Variants in PARD3 observed in about 807,000 individuals in gnomAD.
PARD3 encodes the protein partitioning defective 3 homolog.
A neutral mutation model predicts 155.4 loss-of-function variants in PARD3; 75 were observed. The observed-to-expected ratio is 0.48, with a 90% CI of 0.40 to 0.58. The LOEUF is 0.58. PARD3 is among the 20% of genes least tolerant of loss of function. PARD3 has a pLI of 0.00. For missense variants in PARD3, 1,642 were observed against 1,721.7 expected (o/e 0.95, Z 0.82); for synonymous variants, 576 against 610.5 (o/e 0.94, Z 0.83).
intron 5 of PARD3, among the ~76,000 whole-genome samples, chr10:34,443,624 C>G (rs2076585294): frequency 6.6e-6 from 1 of 152,056 alleles, no homozygotes; most frequent in Non-Finnish European, 1.5e-5. Flanking sequence ...ATCATGAGAA[C>G]AGCATGGGAA....
intron 5 of PARD3, among the ~76,000 whole-genome samples, chr10:34,408,326 A>T (rs184876098): frequency 6.6e-6 from 1 of 152,294 alleles, no homozygotes; most frequent in African/African-American, 2.4e-5. Context: ...GTTCAAATAT[A>T]TTGCTAAAAA....
At position 34,517,033 on chromosome 10, in the gene PARD3, G is replaced by T; in HGVS notation, c.349C>A (p.Gln117Lys). ...ATTTCACTTGTTGCTTGGTAAGGCTGAAAGGCTGAGACATTGTTGGTGCCA... is the reference window on the plus strand; with the variant it reads ...ATTTCACTTGTTGCTTGGTAAGGCTTAAAGGCTGAGACATTGTTGGTGCCA... ...ELGTNNVSAF[Q>K]PYQATSEIEV... The change falls in exon 3 of 25, where the codon CAG (glutamine) becomes AAG (lysine). Residue 117 changes from glutamine to lysine, a missense_variant. Around this residue, in one of 3 missense-constraint regions of PARD3, gnomAD observed 1,529 missense variants for 1,587.3 expected, o/e 0.96. Transcript: ENST00000374788. 1 of 1,614,192 alleles carries T rather than the reference G, an allele frequency of 6.2e-7. No individual in the cohort carries two copies. The highest frequency in any genetic ancestry group is 8.5e-7 in the Non-Finnish European group (1 of 1,180,022).
intron 1 of PARD3, among the ~76,000 whole-genome samples, chr10:34,721,548 C>T (rs1590813775): frequency 2.0e-5 from 3 of 152,300 alleles, no homozygotes; most frequent in East Asian, 3.9e-4. Flanking sequence ...CAGGAGTGCC[C>T]AGCATCCACA....
chr10:34,287,085 T>A (rs1043168137), intron 20 of PARD3, among the ~76,000 whole-genome samples: 4 of 151,902 alleles, frequency 2.6e-5, no homozygotes, highest in African/African-American at 9.7e-5. Flanking sequence ...ACGGCAAAAA[T>A]TCAAGGGACA....
intron 1 of PARD3, among the ~76,000 whole-genome samples, chr10:34,808,402 G>A (rs748262456): frequency 2.6e-5 from 4 of 152,018 alleles, no homozygotes; most frequent in Non-Finnish European, 5.9e-5. Context: ...CACTGAACTC[G>A]GCATTTATTT....
intron 2 of PARD3, among the ~76,000 whole-genome samples, chr10:34,628,016 T>C (rs191464639): frequency 1.6e-4 from 24 of 152,206 alleles, no homozygotes; most frequent in Admixed American, 1.4e-3. Flanking sequence ...GTGCTGAGTT[T>C]ACACGTTGTG....
At chr10:34,482,827 G>C (rs1242717194) in intron 3 of PARD3, among the ~76,000 whole-genome samples, 3 of 151,932 alleles carry the variant, frequency 2.0e-5, no homozygotes, top group Non-Finnish European at 4.4e-5. Context: ...ATGTGAACAG[G>C]TAAGAGTGAG....
chr10:34,227,360 G>A (rs1392526008), intron 22 of PARD3, among the ~76,000 whole-genome samples: 1 of 152,220 alleles, frequency 6.6e-6, no homozygotes, highest in African/African-American at 2.4e-5. Flanking sequence ...TCAAGGCTGG[G>A]CGCTGTGGCT....
intron 2 of PARD3, among the ~76,000 whole-genome samples, chr10:34,665,855 C>CGGG (rs1564479657): frequency 7.5e-6 from 1 of 132,984 alleles, no homozygotes; most frequent in Admixed American, 7.3e-5. Flanking sequence ...CAGAACAGAA[C>CGGG]AGAACAGAAC....
At chr10:34,499,969 T>C (rs757037061) in intron 3 of PARD3, among the ~76,000 whole-genome samples, 1 of 152,250 alleles carries the variant, frequency 6.6e-6, no homozygotes, top group Non-Finnish European at 1.5e-5. Flanking sequence ...GTTGTTATAC[T>C]GTATCATTTA....
At chr10:34,307,301 G>A (rs919042863) in intron 20 of PARD3, among the ~76,000 whole-genome samples, 1 of 152,174 alleles carries the variant, frequency 6.6e-6, no homozygotes, top group Non-Finnish European at 1.5e-5. Flanking sequence ...ACACTTGGGA[G>A]AGAAGTGGAG....
intron 5 of PARD3, among the ~76,000 whole-genome samples, chr10:34,443,132 G>A (rs187387651): frequency 3.4e-4 from 52 of 152,166 alleles, no homozygotes; most frequent in South Asian, 1.9e-3. Flanking sequence ...CATTTTATAA[G>A]AACAAGCTAA....
At chr10:34,492,316 T>C (rs1478384846) in intron 3 of PARD3, among the ~76,000 whole-genome samples, 2 of 152,122 alleles carry the variant, frequency 1.3e-5, no homozygotes, top group African/African-American at 4.8e-5. Context: ...CCTGCTCAGG[T>C]CTTAATTCAC....
In PARD3 at chr10:34,110,953, C is replaced by A. The variant is rs1163647818; in HGVS notation, c.*216G>T. ...GAACACCTCAAACAGATGATTGTCA[C>A]AGGGTGGGAAATCCTTCCATGAAAC... On this transcript the variant is annotated 3_prime_UTR_variant, in exon 25 of 25. Coordinates refer to ENST00000374788, the MANE Select transcript of PARD3 (RefSeq NM_001184785.2). 2 of 473,440 alleles carry A rather than the reference C, an allele frequency of 4.2e-6. No individual in the cohort carries two copies. Among genetic ancestry groups the A allele is most frequent in the Non-Finnish European group, 7.4e-6 (2 of 272,048 alleles). 29.3% of individuals were successfully genotyped at this position (473,440 alleles called of 1,614,324 possible).
intron 24 of PARD3, among the ~76,000 whole-genome samples, chr10:34,115,770 T>C (rs1337555683): frequency 6.6e-6 from 1 of 151,564 alleles, no homozygotes. Flanking sequence ...TGGAGTGCAG[T>C]GGCGCGATCT....
At chr10:34,289,988 C>G (rs1182187154) in intron 20 of PARD3, among the ~76,000 whole-genome samples, 1 of 149,386 alleles carries the variant, frequency 6.7e-6, no homozygotes, top group Admixed American at 6.6e-5. Context: ...TGAAAAGTAA[C>G]TACTGGCAAG....
At chr10:34,590,104 A>G (rs1361943496) in intron 2 of PARD3, among the ~76,000 whole-genome samples, 1 of 152,146 alleles carries the variant, frequency 6.6e-6, no homozygotes, top group East Asian at 1.9e-4. Flanking sequence ...GACACCTTCT[A>G]TGAAAAACCA....
chr10:34,110,135 G>A lies in PARD3; in HGVS notation c.*1034C>T, dbSNP rs995741829. 13 of 152,166 alleles carry A rather than the reference G, an allele frequency of 8.5e-5. No homozygotes were observed. The highest frequency in any genetic ancestry group is 3.1e-4 in the African/African-American group (13 of 41,442). 9.4% of individuals were successfully genotyped at this position (152,166 alleles called of 1,614,324 possible). A position where few individuals can be genotyped will look rare whatever the true frequency, so the allele number is the denominator to read the frequency against. On this transcript the variant is annotated 3_prime_UTR_variant, in exon 25 of 25. Coordinates refer to ENST00000374788, the MANE Select transcript of PARD3 (RefSeq NM_001184785.2). ...TTATGTTTCATGGCAGAACTACTTAGGAGCGCGGCATCGCCAGTCAGACAT... is the reference window on the plus strand; with the variant it reads ...TTATGTTTCATGGCAGAACTACTTAAGAGCGCGGCATCGCCAGTCAGACAT...
At chr10:34,660,915 G>A (rs2093308308) in intron 2 of PARD3, among the ~76,000 whole-genome samples, 1 of 151,838 alleles carries the variant, frequency 6.6e-6, no homozygotes, top group African/African-American at 2.4e-5. Flanking sequence ...TTTTGGTTGT[G>A]TGCCAATTTA....
Sources: gnomAD v4.1 joint callset for allele counts (sites outside exome capture counted in the v4.1 genomes callset) on GRCh38, gnomAD v4.1.1 for gene constraint, gnomAD v4.1.1 regional missense constraint, MANE v1.5 for transcripts, NCBI Gene and HGNC (gene_info 2026-07-23, HGNC 2026-07-21) for gene names.